NOLC1: variants seen among roughly 807,000 people sequenced by gnomAD.
NOLC1 encodes the protein nucleolar and coiled-body phosphoprotein 1, also known as 140 kDa nucleolar phosphoprotein.
In NOLC1, 37 loss-of-function variants were observed where a neutral mutation model predicts 73.4. The ratio of observed to expected loss-of-function variants is 0.50; its 90% CI spans 0.39 to 0.66. The LOEUF (loss-of-function observed/expected upper bound fraction) is 0.66, where lower values mean the gene tolerates loss of function less well. Among genes scored for constraint, NOLC1 ranks in the 30% least tolerant of loss-of-function variants. NOLC1 has a pLI of 0.00. For missense variants in NOLC1, 921 were observed against 838.9 expected (o/e 1.10, Z -1.21); for synonymous variants, 327 against 302.6 (o/e 1.08, Z -0.84).
chr10:102,159,094 A>AAT, intron 5 of NOLC1, 99 bp from the exon 6 acceptor site: 9 of 724,782 alleles, frequency 1.2e-5, no homozygotes, highest in Non-Finnish European at 1.9e-5. Flanking sequence ...AAAAAAAAAA[A>AAT]TGGTGGACTC....
In NOLC1 at chr10:102,155,276, C is replaced by G. The variant is rs185308837; in HGVS notation, c.121-1743C>G. Among the ~76,000 whole-genome samples the G allele has an allele frequency of 2.6e-5, 4 of 151,994 alleles. No individual in the cohort carries two copies. In the East Asian group the frequency reaches 7.7e-4, roughly 29 times the overall value. On this transcript the variant is annotated intron_variant, in intron 1 of 12. Transcript: ENST00000605788. ...CCGATCTCAGATGATCCACCCGCCT[C>G]AGCCTCACAAAGTGTTGGGATTACA...
chr10:102,161,561 T>G lies in NOLC1; in HGVS notation c.1747T>G (p.Leu583Val). ...AAVVVSKSGS[L>V]KKRKQNEAAK... ...TCTGGCTTTTTGTTTTGTAGGTTCA[T>G]TAAAGAAGCGGAAGCAGAATGAGGC... is the stretch of plus-strand genomic sequence containing the variant. Residue 583 changes from leucine (L) to valine (V), a missense_variant, in exon 11 of 13, where the codon TTA becomes GTA. Coordinates refer to ENST00000605788, the MANE Select transcript of NOLC1 (RefSeq NM_004741.5). 1 of 1,613,444 alleles carries G rather than the reference T, an allele frequency of 6.2e-7. No homozygotes were observed. Among genetic ancestry groups the G allele is most frequent in the Non-Finnish European group, 8.5e-7 (1 of 1,179,532 alleles).
At chr10:102,152,568 G>T in intron 1 of NOLC1, 38 bp downstream of exon 1, 1 of 1,611,742 alleles carries the variant, frequency 6.2e-7, no homozygotes, top group South Asian at 1.1e-5. Context: ...GGGCTGAGAT[G>T]ACCACAAGGC....
In NOLC1 at chr10:102,157,424, T is replaced by G; in HGVS notation, c.317-7T>G. ...TGATTCTTACTGGGACCTGTGTGTTTGTTCAGCTGTACCTGCCAAGCGAGT... is the reference window on the plus strand; with the variant it reads ...TGATTCTTACTGGGACCTGTGTGTTGGTTCAGCTGTACCTGCCAAGCGAGT... On this transcript the variant is annotated splice_region_variant and splice_polypyrimidine_tract_variant and intron_variant, in intron 3 of 12. Coordinates refer to ENST00000605788, the MANE Select transcript of NOLC1 (RefSeq NM_004741.5). 6.2e-7 allele frequency: 1 copy of G among 1,613,998 alleles called. No individual in the cohort carries two copies. Among genetic ancestry groups the G allele is most frequent in the Non-Finnish European group, 8.5e-7 (1 of 1,179,938 alleles).
rs141743946 is a variant in NOLC1, at chr10:102,157,262, T to A, written c.250T>A (p.Ser84Thr). 139 of 1,613,956 alleles carry A rather than the reference T, an allele frequency of 8.6e-5. No homozygotes were observed. The highest frequency in any genetic ancestry group is 1.1e-4 in the Non-Finnish European group (134 of 1,180,010). ...TAAGAAAGCTAAGAAGAAGGCCTCA[T>A]CCAGTGACAGTGAGGACAGCAGCGA... Reference protein sequence around the residue: ...VAKKAKKKASSSDSEDSSEEE... With the variant: ...VAKKAKKKASTSDSEDSSEEE... The change falls in exon 3 of 13, where the codon TCC (serine) becomes ACC (threonine). Residue 84 changes from serine to threonine, a missense_variant. Coordinates refer to ENST00000605788, the MANE Select transcript of NOLC1 (RefSeq NM_004741.5).
chr10:102,161,508 A>G, intron 10 of NOLC1, 48 bp from the exon 11 acceptor site: 1 of 1,420,930 alleles, frequency 7.0e-7, no homozygotes, highest in Non-Finnish European at 9.9e-7. Flanking sequence ...CTGGGGTTAC[A>G]GTTGTGAGCC....
intron 10 of NOLC1, 75 bp from the exon 11 acceptor site, chr10:102,161,481 C>T: frequency 9.3e-7 from 1 of 1,077,022 alleles, no homozygotes; most frequent in Non-Finnish European, 1.4e-6. Context: ...ATCCTCCTAC[C>T]TTGGACTCCC....
intron 2 of NOLC1, 38 bp downstream of exon 2, chr10:102,157,112 C>A (rs775807184): frequency 1.1e-5 from 18 of 1,614,014 alleles, no homozygotes; most frequent in Non-Finnish European, 1.5e-5. Flanking sequence ...ATTTTCTCCC[C>A]CAAGATAGGC....
rs564117669 is a variant in NOLC1 at position 102,158,364 on chromosome 10, TAATA to T, written c.607+156_607+159del. The T allele has an allele frequency of 1.1e-3, 555 of 519,364 alleles. 2 individuals carry two copies. Among genetic ancestry groups the T allele is most frequent in the African/African-American group, 9.7e-3 (496 of 50,996 alleles). 32.2% of individuals were successfully genotyped at this position (519,364 alleles called of 1,614,324 possible). A position where few individuals can be genotyped will look rare whatever the true frequency, so the allele number is the denominator to read the frequency against. ...GGTCTTTTAATTTTAAAGGTTTTAC[TAATA>T]AATAACAAGATTTCATAGGAGCTAG... On this transcript the variant is annotated intron_variant, in intron 5 of 12. Transcript: ENST00000605788.
intron 4 of NOLC1, 43 bp from the exon 5 acceptor site, chr10:102,158,006 C>A: frequency 6.3e-7 from 1 of 1,586,754 alleles, no homozygotes; most frequent in Non-Finnish European, 8.6e-7. Flanking sequence ...TTTGGGTACC[C>A]GGAAGCTTTT....
In NOLC1 at chr10:102,160,925, T is replaced by G; in HGVS notation, c.1573T>G (p.Ser525Ala). Residue 525 changes from serine (S) to alanine (A), a missense_variant, in exon 10 of 13, where the codon TCC becomes GCC. Coordinates refer to ENST00000605788, the MANE Select transcript of NOLC1 (RefSeq NM_004741.5). ...ESSNSSSSDD[S>A]SEEEEEKLKG... is the part of the protein sequence containing the mutation. ...CAGCAACAGTTCTTCTTCTGATGAC[T>G]CCAGTGAGGAAGAGGAAGAGAAGCT... 6.2e-7 allele frequency: 1 copy of G among 1,614,070 alleles called. No individual in the cohort carries two copies. Among genetic ancestry groups the G allele is most frequent in the South Asian group, 1.1e-5 (1 of 91,086 alleles).
intron 5 of NOLC1, 41 bp downstream of exon 5, chr10:102,158,255 T>C: frequency 2.5e-6 from 4 of 1,598,668 alleles, no homozygotes; most frequent in Non-Finnish European, 3.4e-6. Flanking sequence ...GGGGACCAGA[T>C]TGCTCTGGGG....
chr10:102,155,641 T>G (rs1355175004), intron 1 of NOLC1, among the ~76,000 whole-genome samples: 2 of 151,704 alleles, frequency 1.3e-5, no homozygotes, highest in Non-Finnish European at 2.9e-5. Context: ...CCTGAGTAGC[T>G]GGGATTACAG....
chr10:102,156,790 G>T (rs190643209), intron 1 of NOLC1, among the ~76,000 whole-genome samples: 1 of 152,206 alleles, frequency 6.6e-6, no homozygotes, highest in Admixed American at 6.5e-5. Context: ...CAGGCAGGGG[G>T]TTAGATGGTT....
At chr10:102,156,161 T>A (rs1277526990) in intron 1 of NOLC1, among the ~76,000 whole-genome samples, 1 of 152,226 alleles carries the variant, frequency 6.6e-6, no homozygotes, top group East Asian at 1.9e-4. Flanking sequence ...TTCTAATGAT[T>A]TGGTATTATA....
At chr10:102,155,169 G>A (rs1479451341) in intron 1 of NOLC1, among the ~76,000 whole-genome samples, 1 of 150,508 alleles carries the variant, frequency 6.6e-6, no homozygotes, top group African/African-American at 2.4e-5. Context: ...ATTATTACAG[G>A]CATGCGCCAC....
chr10:102,160,047 C>T lies in NOLC1; in HGVS notation c.988+23C>T, dbSNP rs1160609476. ...CTGGTGAGTCAGAGGGATGCAGCCT[C>T]CCCTCAGCGTGGGTCTGGAGGAGGG... is the stretch of plus-strand genomic sequence containing the variant. On this transcript the variant is annotated intron_variant, in intron 8 of 12. Transcript: ENST00000605788. 6.8e-6 allele frequency: 11 copies of T among 1,609,356 alleles called. No individual in the cohort carries two copies. In the Admixed American group the frequency reaches 8.5e-5, roughly 12 times the overall value.
intron 4 of NOLC1, 130 bp from the exon 5 acceptor site, chr10:102,157,919 C>T: frequency 1.2e-6 from 1 of 823,666 alleles, no homozygotes; most frequent in Non-Finnish European, 1.9e-6. Context: ...TTTGCCCTTT[C>T]CGTATCCTGT....
Position 102,161,752 on chromosome 10 carries a change from G to A in NOLC1, c.1849-81G>A. On this transcript the variant is annotated intron_variant, in intron 11 of 12. Transcript: ENST00000605788. The stretch of plus-strand genomic sequence containing the variant: ...TGACAGCTCTGCCTGGCGTGACCTG[G>A]TACATGTGCCCATGTGTATCACTCA... 4 of 1,522,520 alleles carry A rather than the reference G, an allele frequency of 2.6e-6. No homozygotes were observed. The South Asian group carries it at 3.4e-5, about 13-fold the overall frequency. 94.3% of individuals were successfully genotyped at this position (1,522,520 alleles called of 1,614,324 possible). A position where few individuals can be genotyped will look rare whatever the true frequency, so the allele number is the denominator to read the frequency against.
Sources: allele counts gnomAD v4.1 joint callset (sites outside exome capture counted in the v4.1 genomes callset), GRCh38; gene constraint gnomAD v4.1.1; transcripts MANE v1.5; gene names NCBI Gene and HGNC (gene_info 2026-07-23, HGNC 2026-07-21).